Variants in OR1F1 observed in about 807,000 individuals in gnomAD.
OR1F1 encodes olfactory receptor family 1 subfamily F member 1.
For missense variants in OR1F1, 493 were observed against 376.3 expected (o/e 1.31, Z -2.57); for synonymous variants, 184 against 156.7 (o/e 1.17, Z -1.30).
At chr16:3,188,639 C>T in the OR1F1 span, among the ~76,000 whole-genome samples, 1 of 151,948 alleles carries the variant, frequency 6.6e-6, no homozygotes, top group East Asian at 1.9e-4. Context: ...GGGTCTCGGC[C>T]CTTGTCCCCA....
upstream of OR1F1, among the ~76,000 whole-genome samples, chr16:3,200,318 T>C (rs577324117): frequency 6.6e-6 from 1 of 151,854 alleles, no homozygotes; most frequent in Non-Finnish European, 1.5e-5. Context: ...ACTATTAAAA[T>C]GAGGAAAAAG....
chr16:3,205,860 G>T (rs1177574972), downstream of OR1F1, among the ~76,000 whole-genome samples: 1 of 152,154 alleles, frequency 6.6e-6, no homozygotes, highest in Non-Finnish European at 1.5e-5. Flanking sequence ...CAAATTGATT[G>T]TAAAACATGT....
chr16:3,192,025 T>G, the OR1F1 span, among the ~76,000 whole-genome samples: 6 of 151,928 alleles, frequency 3.9e-5, no homozygotes, highest in African/African-American at 1.2e-4. Flanking sequence ...TCGCTTAGGA[T>G]GCGAGAGGTC....
chr16:3,204,326 T>A, exon 1 of OR1F1: 1 of 1,614,112 alleles, frequency 6.2e-7, no homozygotes, highest in East Asian at 2.2e-5. Context: ...CAGCATCTCC[T>A]CTTTGTGTTC....
chr16:3,192,543 T>C, the OR1F1 span, among the ~76,000 whole-genome samples: 1 of 152,172 alleles, frequency 6.6e-6, no homozygotes, highest in Non-Finnish European at 1.5e-5. Flanking sequence ...GTGGGATGAG[T>C]ATCTTGAGCA....
At chr16:3,204,317 A>G in exon 1 of OR1F1, 1 of 1,614,106 alleles carries the variant, frequency 6.2e-7, no homozygotes, top group South Asian at 1.1e-5. Context: ...CCCCAGCAGC[A>G]GCATCTCCTC....
At chr16:3,201,744 G>C (rs2141590049), upstream of OR1F1, among the ~76,000 whole-genome samples, 1 of 152,244 alleles carries the variant, frequency 6.6e-6, no homozygotes, top group East Asian at 1.9e-4. Context: ...GGACCAAATT[G>C]AGGATTAGCT....
At chr16:3,194,586 A>G in the OR1F1 span, among the ~76,000 whole-genome samples, 1 of 152,240 alleles carries the variant, frequency 6.6e-6, no homozygotes, top group Admixed American at 6.5e-5. Context: ...CTGAGGCCCC[A>G]GATGTTTGTG....
chr16:3,205,472 G>A (rs1373758306), downstream of OR1F1, among the ~76,000 whole-genome samples: 2 of 147,808 alleles, frequency 1.4e-5, no homozygotes, highest in African/African-American at 2.5e-5. Context: ...TGTGCCACAT[G>A]CCTAGCTAAA....
the OR1F1 span, among the ~76,000 whole-genome samples, chr16:3,191,954 G>C: frequency 0.24 from 37,142 of 152,108 alleles, 4,690 homozygotes; most frequent in African/African-American, 0.29. Flanking sequence ...GTACTCCACG[G>C]CTGCCACAAA....
downstream of OR1F1, among the ~76,000 whole-genome samples, chr16:3,206,327 C>T (rs1324942035): frequency 6.6e-6 from 1 of 152,186 alleles, no homozygotes; most frequent in Non-Finnish European, 1.5e-5. Flanking sequence ...TGAACATAGA[C>T]CCTTATCTGG....
At chr16:3,205,810 C>T (rs185920173), downstream of OR1F1, among the ~76,000 whole-genome samples, 37 of 152,200 alleles carry the variant, frequency 2.4e-4, no homozygotes, top group East Asian at 3.1e-3. Flanking sequence ...TGACGATGTA[C>T]GTCACCTCAG....
exon 1 of OR1F1, chr16:3,204,912 C>G (rs1293084203): frequency 6.2e-7 from 1 of 1,614,070 alleles, no homozygotes; most frequent in African/African-American, 1.3e-5. Context: ...TGCACATCAC[C>G]TGCACTGTCC....
At chr16:3,200,877 G>A (rs1198353634), upstream of OR1F1, among the ~76,000 whole-genome samples, 2 of 152,116 alleles carry the variant, frequency 1.3e-5, no homozygotes, top group South Asian at 2.1e-4. Flanking sequence ...CCTGACCAAT[G>A]GCATTAATTA....
chr16:3,195,370 G>A, the OR1F1 span, among the ~76,000 whole-genome samples: 25 of 151,198 alleles, frequency 1.7e-4, no homozygotes, highest in African/African-American at 5.1e-4. Flanking sequence ...CGGGTTAAAC[G>A]ACGCACTAGC....
chr16:3,204,092 A>G (rs1958169707), upstream of OR1F1, among the ~76,000 whole-genome samples: 1 of 152,218 alleles, frequency 6.6e-6, no homozygotes, highest in Non-Finnish European at 1.5e-5. Flanking sequence ...AGCCCTGAAC[A>G]TAGCAGTAGC....
chr16:3,191,500 A>G, the OR1F1 span, among the ~76,000 whole-genome samples: 1 of 152,144 alleles, frequency 6.6e-6, no homozygotes, highest in Non-Finnish European at 1.5e-5. Flanking sequence ...TTCCCAGGGA[A>G]GCCCGGCTAG....
the OR1F1 span, among the ~76,000 whole-genome samples, chr16:3,195,137 C>G: frequency 6.6e-6 from 1 of 152,218 alleles, no homozygotes; most frequent in African/African-American, 2.4e-5. Flanking sequence ...GCTCAGAGCC[C>G]GGGTCCTGGA....
the OR1F1 span, among the ~76,000 whole-genome samples, chr16:3,192,844 T>C: frequency 6.6e-6 from 1 of 152,104 alleles, no homozygotes; most frequent in African/African-American, 2.4e-5. Context: ...GCAGTTGAGC[T>C]TTTGGCGGTC....
Sources: gnomAD v4.1 joint callset for allele counts (sites outside exome capture counted in the v4.1 genomes callset) on GRCh38, gnomAD v4.1.1 for gene constraint, MANE v1.5 for transcripts, NCBI Gene and HGNC (gene_info 2026-07-23, HGNC 2026-07-21) for gene names.